Variants in FTCDNL1 observed in about 807,000 individuals in gnomAD.
FTCDNL1 encodes the protein formiminotransferase cyclodeaminase N-terminal like, also known as formiminotransferase N-terminal subdomain-containing protein.
Under a neutral mutation model 5.9 loss-of-function variants are expected in FTCDNL1, and 11 were observed. That is an observed-to-expected ratio of 1.87 (90% CI 1.18 to 3.10). The LOEUF is 3.10. Ranked by LOEUF, FTCDNL1 falls within the 30% of genes most tolerant of loss-of-function variation. The probability of loss-of-function intolerance (pLI) is 0.00; values close to 1 mark genes in which losing one functional copy is unlikely to be tolerated. For missense variants in FTCDNL1, 115 were observed against 65.5 expected, an observed-to-expected ratio of 1.76 and a Z score of -2.61; for synonymous variants, 58 against 24.8, an observed-to-expected ratio of 2.34 and a Z score of -3.99.
chr2:199,736,352 G>C, the FTCDNL1 span, among the ~76,000 whole-genome samples: 2 of 152,106 alleles, frequency 1.3e-5, no homozygotes, highest in Non-Finnish European at 2.9e-5. Flanking sequence ...ACCTGCCTTA[G>C]TCAACCTTAA....
the FTCDNL1 span, among the ~76,000 whole-genome samples, chr2:199,689,831 A>AAT: frequency 7.0e-6 from 1 of 143,476 alleles, no homozygotes; most frequent in South Asian, 2.3e-4. Flanking sequence ...AAAAAAAAAG[A>AAT]ATATAATTAG....
intron 3 of FTCDNL1, among the ~76,000 whole-genome samples, chr2:199,822,651 G>T (rs6748716): frequency 6.6e-6 from 1 of 152,056 alleles, no homozygotes; most frequent in African/African-American, 2.4e-5. Context: ...TATTTTACCC[G>T]CAGTAAAACT....
chr2:199,684,754 C>G, the FTCDNL1 span, among the ~76,000 whole-genome samples: 6 of 152,300 alleles, frequency 3.9e-5, no homozygotes, highest in South Asian at 2.1e-4. Flanking sequence ...CATAGTATAT[C>G]AAAGTCACCT....
At chr2:199,849,849 A>C (rs2076828632) in intron 1 of FTCDNL1, among the ~76,000 whole-genome samples, 2 of 152,238 alleles carry the variant, frequency 1.3e-5, no homozygotes, top group South Asian at 4.1e-4. Flanking sequence ...AACTAAAAAT[A>C]GATGAGGCCC....
intron 4 of FTCDNL1, 198 bp downstream of exon 4, chr2:199,819,374 C>G (rs1201056016): frequency 1.2e-5 from 7 of 579,076 alleles, no homozygotes; most frequent in Non-Finnish European, 2.1e-5. Flanking sequence ...TCATCAAATA[C>G]TTGACGGGAG....
chr2:199,745,122 A>C, the FTCDNL1 span, among the ~76,000 whole-genome samples: 1 of 152,332 alleles, frequency 6.6e-6, no homozygotes, highest in African/African-American at 2.4e-5. Context: ...AAGAAAGACA[A>C]ATGCAGATTG....
At chr2:199,679,436 C>T in the FTCDNL1 span, among the ~76,000 whole-genome samples, 93 of 152,074 alleles carry the variant, frequency 6.1e-4, no homozygotes, top group African/African-American at 2.1e-3. Flanking sequence ...GAGTATATGC[C>T]TCTTCATTGG....
intron 3 of FTCDNL1, among the ~76,000 whole-genome samples, chr2:199,779,446 A>G (rs1178943339): frequency 6.6e-6 from 1 of 152,224 alleles, no homozygotes; most frequent in African/African-American, 2.4e-5. Flanking sequence ...GGAAACAGAA[A>G]GCAAAATGGA....
intron 3 of FTCDNL1, among the ~76,000 whole-genome samples, chr2:199,765,801 C>G (rs1298571951): frequency 2.0e-5 from 3 of 151,756 alleles, no homozygotes; most frequent in Non-Finnish European, 4.4e-5. Flanking sequence ...CTTCACTTTC[C>G]CAAAGTACTG....
At chr2:199,765,872 C>T (rs898984484) in intron 3 of FTCDNL1, among the ~76,000 whole-genome samples, 6 of 151,952 alleles carry the variant, frequency 3.9e-5, no homozygotes. Context: ...AGCCCACCTG[C>T]TGTGGTTGTG....
chr2:199,802,775 TGA>T (rs922588515), intron 3 of FTCDNL1, among the ~76,000 whole-genome samples: 3 of 152,074 alleles, frequency 2.0e-5, no homozygotes, highest in African/African-American at 7.2e-5. Context: ...CCCCACCTGA[TGA>T]GAGAGGGTTG....
At chr2:199,760,104 A>C (rs1350818655), downstream of FTCDNL1, among the ~76,000 whole-genome samples, 2 of 152,094 alleles carry the variant, frequency 1.3e-5, no homozygotes, top group African/African-American at 4.8e-5. Flanking sequence ...TCATGTGTGA[A>C]TCTGGATTTG....
the FTCDNL1 span, among the ~76,000 whole-genome samples, chr2:199,730,671 A>G: frequency 2.0e-5 from 3 of 152,238 alleles, no homozygotes; most frequent in African/African-American, 7.2e-5. Context: ...TAGAATGGCA[A>G]TCATTAAAAA....
chr2:199,701,359 C>G, the FTCDNL1 span, among the ~76,000 whole-genome samples: 1 of 115,894 alleles, frequency 8.6e-6, no homozygotes, highest in East Asian at 2.8e-4. Context: ...AAAACCACCG[C>G]ATGCTGGCAA....
downstream of FTCDNL1, among the ~76,000 whole-genome samples, chr2:199,809,016 CA>C (rs1183366331): frequency 6.6e-6 from 1 of 152,148 alleles, no homozygotes; most frequent in Non-Finnish European, 1.5e-5. Flanking sequence ...ACAGACCTAT[CA>C]GGTCTAACTG....
chr2:199,729,145 A>C, the FTCDNL1 span, among the ~76,000 whole-genome samples: 1 of 152,236 alleles, frequency 6.6e-6, no homozygotes, highest in East Asian at 1.9e-4. Context: ...AAAAAGTTGA[A>C]TATATAGAGA....
At chr2:199,666,732 TG>T in the FTCDNL1 span, among the ~76,000 whole-genome samples, 1 of 151,946 alleles carries the variant, frequency 6.6e-6, no homozygotes, top group Non-Finnish European at 1.5e-5. Flanking sequence ...CTGACCAACA[TG>T]GTGAAGCCCC....
chr2:199,833,386 A>T (rs1702507335), intron 3 of FTCDNL1, among the ~76,000 whole-genome samples: 1 of 152,202 alleles, frequency 6.6e-6, no homozygotes, highest in African/African-American at 2.4e-5. Flanking sequence ...CTACACATAT[A>T]CACCCTGAGT....
At chr2:199,678,339 A>G in the FTCDNL1 span, among the ~76,000 whole-genome samples, 1 of 152,160 alleles carries the variant, frequency 6.6e-6, no homozygotes, top group Non-Finnish European at 1.5e-5. Context: ...TCTTTTTAGT[A>G]AGGTAAATAG....
Sources: gnomAD v4.1 joint callset for allele counts (sites outside exome capture counted in the v4.1 genomes callset) on GRCh38, gnomAD v4.1.1 for gene constraint, MANE v1.5 for transcripts, NCBI Gene and HGNC (gene_info 2026-07-23, HGNC 2026-07-21) for gene names.